CDH4: variants seen among roughly 807,000 people sequenced by gnomAD.
CDH4 encodes the protein cadherin 4.
In CDH4, 33 loss-of-function variants were observed where a neutral mutation model predicts 86.0. That is an observed-to-expected ratio of 0.38 (90% CI 0.29 to 0.51). The LOEUF is 0.51. Among genes scored for constraint, CDH4 ranks in the 20% least tolerant of loss-of-function variants. The probability of loss-of-function intolerance (pLI) is 0.86; values close to 1 mark genes in which losing one functional copy is unlikely to be tolerated. For missense variants in CDH4, 1,114 were observed against 1,307.4 expected (o/e 0.85, Z 2.28); for synonymous variants, 555 against 549.4 (o/e 1.01, Z -0.14).
At chr20:61,440,789 C>T (rs914129507) in intron 2 of CDH4, among the ~76,000 whole-genome samples, 16 of 152,168 alleles carry the variant, frequency 1.1e-4, no homozygotes, top group African/African-American at 3.6e-4. Context: ...CCCGATGCCT[C>T]TGGTTGTCAT....
chr20:61,309,638 C>T (rs1219685814), intron 2 of CDH4, among the ~76,000 whole-genome samples: 2 of 152,178 alleles, frequency 1.3e-5, no homozygotes, highest in Non-Finnish European at 2.9e-5. Flanking sequence ...CCCAAGTGGT[C>T]AGTACCTTTT....
intron 2 of CDH4, among the ~76,000 whole-genome samples, chr20:61,323,570 C>A (rs1185208351): frequency 6.6e-6 from 1 of 152,198 alleles, no homozygotes; most frequent in Non-Finnish European, 1.5e-5. Flanking sequence ...TGTCATGTTA[C>A]GCGGGCCTGC....
chr20:61,711,194 C>G (rs984659547), intron 2 of CDH4, among the ~76,000 whole-genome samples: 1 of 152,146 alleles, frequency 6.6e-6, no homozygotes, highest in African/African-American at 2.4e-5. Flanking sequence ...GGGTTCTTCC[C>G]CCTTCACCCA....
rs1056942845 is a variant in CDH4 at position 61,287,525 on chromosome 20, A to G, written c.169+32588A>G. On this transcript the variant is annotated intron_variant, in intron 2 of 15. Transcript: ENST00000614565. ...GGGGTCCTGTGAGTGGCTGAGCCCT[A>G]TTCATTTTCTACAGTGGGGTAGCAT... is the stretch of plus-strand genomic sequence containing the variant. Among the ~76,000 whole-genome samples, 4 of 152,238 alleles carry G rather than the reference A, an allele frequency of 2.6e-5. No homozygotes were observed. The East Asian group carries it at 7.8e-4, about 30-fold the overall frequency.
chr20:61,791,157 A>G (rs75885610), intron 4 of CDH4, among the ~76,000 whole-genome samples: 8,241 of 152,334 alleles, frequency 0.054, 704 homozygotes, highest in African/African-American at 0.19. Flanking sequence ...CTGTTTCAAC[A>G]TTTGAAAACT....
intron 4 of CDH4, among the ~76,000 whole-genome samples, chr20:61,817,663 G>A (rs13042233): frequency 6.6e-6 from 1 of 152,012 alleles, no homozygotes; most frequent in South Asian, 2.1e-4. Flanking sequence ...ACAGGTGTCT[G>A]CGCGTTCATC....
At chr20:61,901,784 G>A (rs955240351) in intron 8 of CDH4, among the ~76,000 whole-genome samples, 14 of 152,224 alleles carry the variant, frequency 9.2e-5, no homozygotes, top group Non-Finnish European at 4.4e-5. Context: ...ATGGGGTTGG[G>A]GTGACAAGGG....
At chr20:61,553,092 A>G (rs1041681939) in intron 2 of CDH4, among the ~76,000 whole-genome samples, 6 of 152,250 alleles carry the variant, frequency 3.9e-5, no homozygotes, top group African/African-American at 1.4e-4. Context: ...AGACAGTGGA[A>G]TATTCAGCCA....
chr20:61,939,055 T>G lies in CDH4; in HGVS notation c.*2112T>G, dbSNP rs939403598. On this transcript the variant is annotated 3_prime_UTR_variant, in exon 16 of 16. Transcript: ENST00000614565. ...TGCTATGCAAACAAGAATGCTCCTG[T>G]GTGGGGGGGCATGGCCGTTGGAGGT... 6.6e-6 allele frequency: 1 copy of G among 152,324 alleles called. No homozygotes were observed. The highest frequency in any genetic ancestry group is 2.4e-5 in the African/African-American group (1 of 41,422). The allele number at this position is 152,324 out of a possible 1,614,324, so 9.4% of individuals were successfully genotyped here.
chr20:61,336,437 G>C (rs765902492), intron 2 of CDH4, among the ~76,000 whole-genome samples: 3 of 151,910 alleles, frequency 2.0e-5, no homozygotes, highest in African/African-American at 7.3e-5. Flanking sequence ...CCACCACCAC[G>C]ACCATGCTTT....
chr20:61,728,882 C>A (rs1488393994), intron 2 of CDH4, among the ~76,000 whole-genome samples: 1 of 152,184 alleles, frequency 6.6e-6, no homozygotes, highest in Non-Finnish European at 1.5e-5. Flanking sequence ...GAGCAAAAGT[C>A]CCAGCAAGGC....
At chr20:61,452,476 A>T (rs746226871) in intron 2 of CDH4, among the ~76,000 whole-genome samples, 2 of 152,218 alleles carry the variant, frequency 1.3e-5, no homozygotes, top group Non-Finnish European at 2.9e-5. Flanking sequence ...GATATTTATC[A>T]AATGCAGCTC....
At chr20:61,271,217 C>T (rs1300770776) in intron 2 of CDH4, among the ~76,000 whole-genome samples, 1 of 152,128 alleles carries the variant, frequency 6.6e-6, no homozygotes, top group Non-Finnish European at 1.5e-5. Flanking sequence ...ATCTCTACCC[C>T]CATGGCCCCA....
chr20:61,894,622 A>G (rs1048623247), intron 7 of CDH4, among the ~76,000 whole-genome samples: 1 of 152,064 alleles, frequency 6.6e-6, no homozygotes, highest in African/African-American at 2.4e-5. Context: ...CTATCTTGGC[A>G]CCAAACGTGA....
chr20:61,658,265 C>G (rs2087213773), intron 2 of CDH4, among the ~76,000 whole-genome samples: 1 of 152,150 alleles, frequency 6.6e-6, no homozygotes, highest in East Asian at 1.9e-4. Context: ...CCTGCAACCC[C>G]CGAGTCACCA....
intron 2 of CDH4, among the ~76,000 whole-genome samples, chr20:61,400,946 C>A (rs1169884172): frequency 6.6e-6 from 1 of 152,244 alleles, no homozygotes; most frequent in South Asian, 2.1e-4. Flanking sequence ...TCTCTGTATT[C>A]TGCTTTCTTC....
chr20:61,659,880 C>T lies in CDH4; in HGVS notation c.170-83683C>T, dbSNP rs541722692. Reference sequence around the variant, plus strand: ...CAGCTGCAGCCTCTGGAAAAGGAAGCAGCTCCACCTTCTCCTTTGGCTTCC... The same window carrying T: ...CAGCTGCAGCCTCTGGAAAAGGAAGTAGCTCCACCTTCTCCTTTGGCTTCC... On this transcript the variant is annotated intron_variant, in intron 2 of 15. Coordinates refer to ENST00000614565, the MANE Select transcript of CDH4 (RefSeq NM_001794.5). Among the ~76,000 whole-genome samples, 14 of 152,344 alleles carry T rather than the reference C, an allele frequency of 9.2e-5. No individual in the cohort carries two copies. In the East Asian group the frequency reaches 2.7e-3, roughly 29 times the overall value.
At chr20:61,459,565 C>A (rs2085430402) in intron 2 of CDH4, among the ~76,000 whole-genome samples, 1 of 150,222 alleles carries the variant, frequency 6.7e-6, no homozygotes, top group Non-Finnish European at 1.5e-5. Context: ...ATGGGGGACG[C>A]TCACAACCAG....
In CDH4 at chr20:61,923,400, C is replaced by T. The variant is rs765884534; in HGVS notation, c.1375-51C>T. The T allele has an allele frequency of 1.6e-5, 25 of 1,597,608 alleles. No homozygotes were observed. The African/African-American group carries it at 2.5e-4, about 16-fold the overall frequency. On this transcript the variant is annotated intron_variant, in intron 9 of 15. Coordinates refer to ENST00000614565, the MANE Select transcript of CDH4 (RefSeq NM_001794.5). ...CTTCCCATGTGTCCCCCCATGCCCA[C>T]TCCCACGGGAGCTGTGCCAGGTCAC...
Sources: gnomAD v4.1 joint callset for allele counts (sites outside exome capture counted in the v4.1 genomes callset) on GRCh38, gnomAD v4.1.1 for gene constraint, MANE v1.5 for transcripts, NCBI Gene and HGNC (gene_info 2026-07-23, HGNC 2026-07-21) for gene names.